ZNF83: variants seen among roughly 807,000 people sequenced by gnomAD.
ZNF83 encodes the protein zinc finger protein 816B.
For synonymous variants in ZNF83, 209 were observed against 213.0 expected, an observed-to-expected ratio of 0.98 and a Z score of 0.17; for missense variants, 552 against 629.9, an observed-to-expected ratio of 0.88 and a Z score of 1.32.
At chr19:52,687,673 T>TAA (rs1272305932) in intron 1 of ZNF83, among the ~76,000 whole-genome samples, 1 of 111,586 alleles carries the variant, frequency 9.0e-6, no homozygotes, top group African/African-American at 3.9e-5. Context: ...TATATATATA[T>TAA]AACTAGCCGG....
intron 2 of ZNF83, among the ~76,000 whole-genome samples, chr19:52,628,879 A>G: frequency 6.7e-6 from 1 of 150,148 alleles, no homozygotes; most frequent in Admixed American, 6.7e-5. Flanking sequence ...CCAACCTCTT[A>G]TATCTCTGTG....
At chr19:52,631,656 T>C (rs994373914) in intron 2 of ZNF83, among the ~76,000 whole-genome samples, 7 of 152,248 alleles carry the variant, frequency 4.6e-5, no homozygotes, top group African/African-American at 1.2e-4. Flanking sequence ...ATACCACACC[T>C]GACCCTCATG....
intron 1 of ZNF83, among the ~76,000 whole-genome samples, chr19:52,680,661 G>T (rs1411586081): frequency 7.8e-6 from 1 of 127,770 alleles, no homozygotes; most frequent in Non-Finnish European, 1.6e-5. Flanking sequence ...CGCCCAGGCT[G>T]GAGTGCAGTG....
intron 2 of ZNF83, chr19:52,655,743 C>A: frequency 2.8e-6 from 2 of 720,642 alleles, no homozygotes; most frequent in South Asian, 3.4e-5. Flanking sequence ...TACCTTCACA[C>A]AAAATGAGAA....
chr19:52,655,245 A>G (rs573387789), intron 3 of ZNF83: 97 of 286,080 alleles, frequency 3.4e-4, no homozygotes, highest in Admixed American at 4.3e-4. Context: ...AGTCACTGTC[A>G]TGCTTTCTAG....
chr19:52,685,338 G>T (rs552817680), intron 1 of ZNF83, among the ~76,000 whole-genome samples: 1 of 152,124 alleles, frequency 6.6e-6, no homozygotes, highest in Non-Finnish European at 1.5e-5. Flanking sequence ...TTCTTACATG[G>T]GGGCCTGGAA....
chr19:52,686,463 T>TAC (rs2062016838), intron 1 of ZNF83, among the ~76,000 whole-genome samples: 1 of 16,102 alleles, frequency 6.2e-5, no homozygotes, highest in South Asian at 1.4e-3. Context: ...AAATTACATA[T>TAC]ATATATATAT....
chr19:52,680,578 T>C (rs534044990), intron 1 of ZNF83, among the ~76,000 whole-genome samples: 1 of 151,924 alleles, frequency 6.6e-6, no homozygotes, highest in South Asian at 2.1e-4. Context: ...TCTCCACAGT[T>C]GTGTTTTATT....
intron 1 of ZNF83, among the ~76,000 whole-genome samples, chr19:52,682,278 A>T (rs17633799): frequency 0.11 from 17,289 of 152,268 alleles, 1,299 homozygotes; most frequent in Non-Finnish European, 0.16. Context: ...CCATCCATGT[A>T]TTCTCCCAAG....
chr19:52,679,011 A>C (rs1172582689), intron 1 of ZNF83, among the ~76,000 whole-genome samples: 1 of 151,940 alleles, frequency 6.6e-6, no homozygotes, highest in Non-Finnish European at 1.5e-5. Context: ...AAATATAGGG[A>C]TTTCATTCAA....
intron 1 of ZNF83, among the ~76,000 whole-genome samples, chr19:52,671,561 AC>A (rs1309160747): frequency 1.3e-5 from 2 of 151,740 alleles, no homozygotes; most frequent in Non-Finnish European, 2.9e-5. Context: ...CTCCCGCCAC[AC>A]CTCCCAACTA....
rs1275318403 is a variant in ZNF83 at position 52,671,645 on chromosome 19, G to C, written c.-282-10802C>G. Among the ~76,000 whole-genome samples the C allele has an allele frequency of 2.0e-5, 3 of 152,056 alleles. No individual in the cohort carries two copies. The East Asian group carries it at 5.8e-4, about 29-fold the overall frequency. On this transcript the variant is annotated intron_variant, in intron 1 of 5. Transcript: ENST00000594682. ...CTTTGTAGAGGGGTGGTCCCACTAT[G>C]ATGCTCAGGCTAGCCTTCAACTCCT...
At chr19:52,624,621 C>T (rs982849419) in intron 2 of ZNF83, among the ~76,000 whole-genome samples, 2 of 152,162 alleles carry the variant, frequency 1.3e-5, no homozygotes, top group Non-Finnish European at 2.9e-5. Context: ...CATCCCAACC[C>T]TTTTCACTAC....
chr19:52,644,646 C>T (rs1032360645), intron 3 of ZNF83, among the ~76,000 whole-genome samples: 11 of 152,092 alleles, frequency 7.2e-5, no homozygotes, highest in Non-Finnish European at 4.4e-5. Context: ...AGTGTGAACA[C>T]ACAGTTATTG....
At chr19:52,628,281 T>G (rs1000796357) in intron 2 of ZNF83, among the ~76,000 whole-genome samples, 16 of 152,264 alleles carry the variant, frequency 1.1e-4, no homozygotes, top group Non-Finnish European at 2.4e-4. Flanking sequence ...AAGATCCACC[T>G]ACGACCTCAG....
chr19:52,679,515 G>A lies in ZNF83; in HGVS notation c.-283+10928C>T, dbSNP rs185097350. On this transcript the variant is annotated intron_variant, in intron 1 of 5. Coordinates refer to the ZNF83 transcript ENST00000594682. ...AAGCCCTGCTACAAGGGAGGCTCAGGCAGGAGAATTGCTTGAACCCAGAAG... is the reference window on the plus strand; with the variant it reads ...AAGCCCTGCTACAAGGGAGGCTCAGACAGGAGAATTGCTTGAACCCAGAAG... Among the ~76,000 whole-genome samples, 15 of 152,312 alleles carry A rather than the reference G, an allele frequency of 9.8e-5. No homozygotes were observed. In the East Asian group the frequency reaches 2.3e-3, roughly 24 times the overall value.
chr19:52,614,220 A>G (rs767555845), exon 3 of ZNF83: 1 of 1,614,074 alleles, frequency 6.2e-7, no homozygotes, highest in African/African-American at 1.3e-5. Context: ...TCTCTTTAGT[A>G]TGGATTATTT....
At chr19:52,684,797 A>G (rs1174232024) in intron 1 of ZNF83, among the ~76,000 whole-genome samples, 4 of 151,618 alleles carry the variant, frequency 2.6e-5, no homozygotes, top group Non-Finnish European at 4.4e-5. Flanking sequence ...GTGTTTGGGA[A>G]AAAAAAAATG....
chr19:52,642,715 T>G (rs1365735344), upstream of ZNF83, among the ~76,000 whole-genome samples: 1 of 152,144 alleles, frequency 6.6e-6, no homozygotes, highest in African/African-American at 2.4e-5. Context: ...AACAGTAAAG[T>G]CCAAGGGTCT....
Sources: gnomAD v4.1 joint callset for allele counts (sites outside exome capture counted in the v4.1 genomes callset) on GRCh38, gnomAD v4.1.1 for gene constraint, MANE v1.5 for transcripts, NCBI Gene and HGNC (gene_info 2026-07-23, HGNC 2026-07-21) for gene names.